Variants in DET1 observed in about 807,000 individuals in gnomAD.
The protein encoded by DET1 is DET1 homolog.
A neutral mutation model predicts 43.7 loss-of-function variants in DET1; 22 were observed. That is an observed-to-expected ratio of 0.50 (90% CI 0.36 to 0.72). The LOEUF (loss-of-function observed/expected upper bound fraction) is 0.72, where lower values mean the gene tolerates loss of function less well. Ranked by LOEUF, DET1 falls within the 30% of genes least tolerant of loss-of-function variation. The probability of loss-of-function intolerance (pLI) is 0.00; values close to 1 mark genes in which losing one functional copy is unlikely to be tolerated. For synonymous variants in DET1, 315 were observed against 266.2 expected, an observed-to-expected ratio of 1.18 and a Z score of -1.79; for missense variants, 713 against 713.3, an observed-to-expected ratio of 1.00 and a Z score of 0.00.
chr15:88,514,097 C>A (rs1252569467), intron 4 of DET1, among the ~76,000 whole-genome samples: 7 of 150,028 alleles, frequency 4.7e-5, no homozygotes, highest in Non-Finnish European at 8.8e-5. Context: ...CCGCGCCCGG[C>A]CAGAATAAAT....
At chr15:88,526,081 C>A (rs1433082787) in intron 3 of DET1, among the ~76,000 whole-genome samples, 1 of 152,136 alleles carries the variant, frequency 6.6e-6, no homozygotes, top group African/African-American at 2.4e-5. Context: ...TCTAAAAATT[C>A]TTCTATACTG....
chr15:88,502,590 G>A (rs1441487758), intron 8 of DET1: 1 of 152,244 alleles, frequency 6.6e-6, no homozygotes, highest in Non-Finnish European at 1.5e-5. Context: ...CTGCCAGGCA[G>A]CAACTGCTGA....
intron 4 of DET1, among the ~76,000 whole-genome samples, chr15:88,514,328 A>G (rs1275588232): frequency 2.6e-5 from 4 of 152,194 alleles, no homozygotes. Flanking sequence ...GGAGGATTCC[A>G]GAAAATAAAA....
At chr15:88,529,529 T>G (rs1167696175) in intron 2 of DET1, among the ~76,000 whole-genome samples, 1 of 152,226 alleles carries the variant, frequency 6.6e-6, no homozygotes, top group African/African-American at 2.4e-5. Context: ...TACTTCTTTT[T>G]AGAACACATA....
At chr15:88,511,482 T>C, downstream of DET1, 1 of 985,436 alleles carries the variant, frequency 1.0e-6, no homozygotes, top group Non-Finnish European at 1.2e-6. Context: ...CCTTGAAACA[T>C]CTTCAACTCT....
intron 1 of DET1, among the ~76,000 whole-genome samples, chr15:88,533,890 C>T (rs949453178): frequency 4.0e-4 from 44 of 110,884 alleles, no homozygotes; most frequent in Non-Finnish European, 7.3e-4. Flanking sequence ...ATGTAAAATA[C>T]TTATCATTAA....
chr15:88,543,699 T>G (rs1272697484), intron 1 of DET1, among the ~76,000 whole-genome samples: 2 of 152,144 alleles, frequency 1.3e-5, no homozygotes, highest in Non-Finnish European at 2.9e-5. Flanking sequence ...TCGCCCTCAC[T>G]CAGGCTCTCC....
At chr15:88,514,110 T>C (rs891615651) in intron 4 of DET1, among the ~76,000 whole-genome samples, 3 of 152,156 alleles carry the variant, frequency 2.0e-5, no homozygotes, top group African/African-American at 7.2e-5. Context: ...GAATAAATTC[T>C]TTTAAAAGGT....
intron 3 of DET1, among the ~76,000 whole-genome samples, chr15:88,519,648 CT>C (rs1312798888): frequency 6.6e-6 from 1 of 152,184 alleles, no homozygotes; most frequent in Non-Finnish European, 1.5e-5. Context: ...GATGAAATTA[CT>C]AAATCACTCC....
chr15:88,524,059 G>A (rs1323999010), intron 3 of DET1, among the ~76,000 whole-genome samples: 7 of 147,358 alleles, frequency 4.8e-5, no homozygotes, highest in South Asian at 2.2e-4. Flanking sequence ...GCCGCCCATC[G>A]TCTGAGATGT....
At chr15:88,518,138 C>T (rs568451755) in intron 3 of DET1, among the ~76,000 whole-genome samples, 15 of 146,268 alleles carry the variant, frequency 1.0e-4, no homozygotes, top group Admixed American at 2.8e-4. Context: ...GACAGGGTCT[C>T]GCCATGTTGC....
intron 1 of DET1, among the ~76,000 whole-genome samples, chr15:88,545,781 G>A (rs1321272905): frequency 6.6e-6 from 1 of 151,704 alleles, no homozygotes; most frequent in Non-Finnish European, 1.5e-5. Context: ...AGCTAAGAGA[G>A]CCAGACAGAC....
At chr15:88,538,959 G>A (rs1735) in intron 1 of DET1, among the ~76,000 whole-genome samples, 33,889 of 151,970 alleles carry the variant, frequency 0.22, 4,869 homozygotes, top group African/African-American at 0.4. Flanking sequence ...GGACGCTACT[G>A]GGTTGAGCCT....
chr15:88,531,309 C>A lies in DET1; in HGVS notation c.397G>T (p.Val133Phe), dbSNP rs972802679. 1 of 1,613,946 alleles carries A rather than the reference C, an allele frequency of 6.2e-7. No homozygotes were observed. Among genetic ancestry groups the A allele is most frequent in the Non-Finnish European group, 8.5e-7 (1 of 1,179,882 alleles). The change falls in exon 2 of 5, where the codon GTT becomes TTT. Residue 133 changes from valine to phenylalanine, a missense_variant. Transcript: ENST00000268148. The surrounding 1 kb of genome is among the most constrained non-coding windows in gnomAD (Gnocchi z 6.2). ...TTCAGGTGCTCACCATTGGCCGCAA[C>A]ATTGGTAATGTGCAGCAGGACAAAA... ...RFFVLLHITN[V>F]AANGEHLNRE...
At chr15:88,539,437 C>A (rs1257782152) in intron 1 of DET1, among the ~76,000 whole-genome samples, 1 of 147,094 alleles carries the variant, frequency 6.8e-6, no homozygotes, top group South Asian at 2.2e-4. Flanking sequence ...GAGGGCCCCC[C>A]CTTGTCTGTC....
chr15:88,517,543 A>T (rs534460413), intron 3 of DET1, among the ~76,000 whole-genome samples: 3 of 152,168 alleles, frequency 2.0e-5, no homozygotes, highest in African/African-American at 7.2e-5. Flanking sequence ...AGAAAAGTTA[A>T]CAAAGACTCT....
intron 4 of DET1, among the ~76,000 whole-genome samples, chr15:88,515,440 G>A (rs1276102259): frequency 1.3e-5 from 2 of 149,348 alleles, no homozygotes; most frequent in African/African-American, 4.9e-5. Flanking sequence ...TTGGGAAGCT[G>A]AGGCAGGAGA....
Position 88,515,538 on chromosome 15 carries a change from TATAAAAAA to T in DET1, c.1463+1236_1463+1243del, listed in dbSNP as rs1286862353. On this transcript the variant is annotated intron_variant, in intron 4 of 4. Coordinates refer to ENST00000268148, the MANE Select transcript of DET1 (RefSeq NM_001144074.3). ...TGGGCAACAGACAGAGACTCCGTCT[TATAAAAAA>T]AAAAAAAAAAAAAAAAAAAAAAGAC... 5.3e-4 allele frequency among the ~76,000 whole-genome samples: 25 copies of T among 47,480 alleles called. 1 individual carries two copies. Among genetic ancestry groups the T allele is most frequent in the East Asian group, 5.1e-3 (6 of 1,180 alleles). 31.1% of individuals were successfully genotyped at this position (47,480 alleles called of 152,430 possible).
Position 88,531,367 on chromosome 15 carries a change from T to C in DET1, c.339A>G (p.Ser113=). 1 of 1,614,068 alleles carries C rather than the reference T, an allele frequency of 6.2e-7. No individual in the cohort carries two copies. Among genetic ancestry groups the C allele is most frequent in the Non-Finnish European group, 8.5e-7 (1 of 1,179,904 alleles). Residue 113 remains serine (S), a synonymous_variant, in exon 2 of 5, where the codon TCA becomes TCG. Transcript: ENST00000268148. This position sits in a 1 kb window ranked among gnomAD's most constrained non-coding sequence, Gnocchi z 6.2. Reference sequence around the variant, plus strand: ...CAAAGAGCCGGCCCCGGATATTCACTGACCGCTGGTCATTGCCATTGGACA... The same window carrying C: ...CAAAGAGCCGGCCCCGGATATTCACCGACCGCTGGTCATTGCCATTGGACA... ...EILSNGNDQR[S]VNIRGRLFER...
Sources: gnomAD v4.1 joint callset for allele counts (sites outside exome capture counted in the v4.1 genomes callset) on GRCh38, gnomAD v4.1.1 for gene constraint, Gnocchi (gnomAD v3.1) non-coding constraint, MANE v1.5 for transcripts, NCBI Gene and HGNC (gene_info 2026-07-23, HGNC 2026-07-21) for gene names.